GNB4: variants seen among roughly 807,000 people sequenced by gnomAD.
The protein encoded by GNB4 is guanine nucleotide-binding protein subunit beta-4.
GNB4 carries 28 observed loss-of-function variants against 45.2 expected under a neutral mutation model. The ratio of observed to expected loss-of-function variants is 0.62; its 90% CI spans 0.46 to 0.85. The LOEUF is 0.85. Ranked by LOEUF, GNB4 falls within the 40% of genes least tolerant of loss-of-function variation. The probability of loss-of-function intolerance (pLI) is 0.00; values close to 1 mark genes in which losing one functional copy is unlikely to be tolerated. For missense variants in GNB4, 321 were observed against 425.4 expected (o/e 0.75, Z 2.16); for synonymous variants, 132 against 143.7 (o/e 0.92, Z 0.58).
At chr3:179,472,762 G>A in the GNB4 span, among the ~76,000 whole-genome samples, 3 of 152,160 alleles carry the variant, frequency 2.0e-5, no homozygotes, top group Non-Finnish European at 4.4e-5. Flanking sequence ...TTTATGTCTT[G>A]AGTTGGAAAA....
At chr3:179,451,539 G>GGCGCGAGGCGCGAGGCACGAGGC (rs1454365491), upstream of GNB4, 3 of 150,278 alleles carry the variant, frequency 2.0e-5, no homozygotes, top group Non-Finnish European at 3.0e-5. Flanking sequence ...CGTGGCTGGA[G>GGCGCGAGGCGCGAGGCACGAGGC]GCGCGAGGCG....
the GNB4 span, among the ~76,000 whole-genome samples, chr3:179,467,722 C>A: frequency 6.6e-6 from 1 of 152,080 alleles, no homozygotes; most frequent in Non-Finnish European, 1.5e-5. Flanking sequence ...TTGGTGTTCA[C>A]TGAATGTGGA....
intron 8 of GNB4, among the ~76,000 whole-genome samples, chr3:179,410,040 G>C (rs1422412494): frequency 1.3e-5 from 2 of 152,040 alleles, no homozygotes; most frequent in Non-Finnish European, 2.9e-5. Flanking sequence ...GGTTTATAAG[G>C]GGCTTCCCCC....
chr3:179,475,519 C>G, the GNB4 span, among the ~76,000 whole-genome samples: 1 of 152,034 alleles, frequency 6.6e-6, no homozygotes, highest in Non-Finnish European at 1.5e-5. Flanking sequence ...TCTCACCAGG[C>G]TGGAATGCAA....
chr3:179,522,527 T>G, the GNB4 span, among the ~76,000 whole-genome samples: 1 of 152,170 alleles, frequency 6.6e-6, no homozygotes, highest in Admixed American at 6.6e-5. Flanking sequence ...CACGTACTCC[T>G]TTTGCAAGAG....
chr3:179,519,616 T>C, the GNB4 span, among the ~76,000 whole-genome samples: 1 of 152,186 alleles, frequency 6.6e-6, no homozygotes, highest in Non-Finnish European at 1.5e-5. Context: ...ACCTCCCTTA[T>C]TAGGCCGAGA....
the GNB4 span, among the ~76,000 whole-genome samples, chr3:179,525,275 C>T: frequency 3.9e-5 from 6 of 152,064 alleles, no homozygotes; most frequent in African/African-American, 1.2e-4. Context: ...GAACCATTAT[C>T]GAGTTTGTAT....
intron 1 of GNB4, among the ~76,000 whole-genome samples, chr3:179,445,695 A>C (rs899847863): frequency 1.3e-5 from 2 of 152,252 alleles, no homozygotes; most frequent in African/African-American, 4.8e-5. Flanking sequence ...TGATGCATTC[A>C]TACAGTGAAA....
At chr3:179,498,564 A>G in the GNB4 span, among the ~76,000 whole-genome samples, 11 of 152,178 alleles carry the variant, frequency 7.2e-5, no homozygotes, top group African/African-American at 2.6e-4. Flanking sequence ...AGCTCTGAGT[A>G]GCTAGGATTA....
At chr3:179,413,887 A>G in intron 6 of GNB4, 106 bp from the exon 7 acceptor site, 1 of 825,370 alleles carries the variant, frequency 1.2e-6, no homozygotes, top group East Asian at 2.7e-5. Flanking sequence ...TTGGGCAACA[A>G]GTGTTTGTCA....
At chr3:179,525,474 T>C in the GNB4 span, among the ~76,000 whole-genome samples, 7 of 149,140 alleles carry the variant, frequency 4.7e-5, no homozygotes, top group Non-Finnish European at 1.0e-4. Flanking sequence ...GAGAAGGGGG[T>C]GGTGAGCAGC....
chr3:179,427,351 T>G (rs1056727576), intron 1 of GNB4, among the ~76,000 whole-genome samples: 8 of 152,086 alleles, frequency 5.3e-5, no homozygotes, highest in African/African-American at 1.9e-4. Context: ...ACGCCTGTAA[T>G]CCCATCACTT....
At chr3:179,486,220 CA>C in the GNB4 span, among the ~76,000 whole-genome samples, 35 of 123,814 alleles carry the variant, frequency 2.8e-4, 1 homozygote, top group Admixed American at 2.6e-4. Flanking sequence ...GACTCTGTCT[CA>C]AAAAAAAAAA....
the GNB4 span, among the ~76,000 whole-genome samples, chr3:179,511,897 C>T: frequency 6.6e-6 from 1 of 152,128 alleles, no homozygotes; most frequent in African/African-American, 2.4e-5. Context: ...CTACACTGTC[C>T]AATATGGTAG....
At chr3:179,505,164 C>A in the GNB4 span, among the ~76,000 whole-genome samples, 1 of 152,098 alleles carries the variant, frequency 6.6e-6, no homozygotes, top group Non-Finnish European at 1.5e-5. Context: ...AGGCCTATAC[C>A]AATACGGCAT....
At chr3:179,516,114 G>T in the GNB4 span, among the ~76,000 whole-genome samples, 27 of 152,262 alleles carry the variant, frequency 1.8e-4, no homozygotes, top group Non-Finnish European at 1.6e-4. Flanking sequence ...GAGTTTTTGG[G>T]CTCTATTCTT....
chr3:179,444,769 A>T (rs1017053506), intron 1 of GNB4, among the ~76,000 whole-genome samples: 1 of 152,186 alleles, frequency 6.6e-6, no homozygotes, highest in Non-Finnish European at 1.5e-5. Context: ...AGAATGTCTT[A>T]AATTATTTCC....
intron 8 of GNB4, 63 bp downstream of exon 8, chr3:179,413,349 A>T: frequency 1.6e-6 from 2 of 1,277,190 alleles, no homozygotes; most frequent in Non-Finnish European, 2.3e-6. Flanking sequence ...TGTTAAAATC[A>T]TGCCATAGAG....
rs1364299208 is a variant in GNB4 at position 179,401,144 on chromosome 3, T to C, written c.*69A>G. The C allele has an allele frequency of 3.0e-6, 3 of 992,358 alleles. No individual in the cohort carries two copies. The highest frequency in any genetic ancestry group is 3.0e-5 in the Admixed American group (1 of 33,240). 61.5% of individuals were successfully genotyped at this position (992,358 alleles called of 1,614,324 possible). A position where few individuals can be genotyped will look rare whatever the true frequency, so the allele number is the denominator to read the frequency against. Reference sequence around the variant, plus strand: ...ACCTGCAAATATAAGGTAGAATTTTTTCACAGCTATAGGCTGTAGCATTGA... The same window carrying C: ...ACCTGCAAATATAAGGTAGAATTTTCTCACAGCTATAGGCTGTAGCATTGA... On this transcript the variant is annotated 3_prime_UTR_variant, in exon 10 of 10. Coordinates refer to ENST00000232564, the MANE Select transcript of GNB4 (RefSeq NM_021629.4).
Sources: gnomAD v4.1 joint callset for allele counts (sites outside exome capture counted in the v4.1 genomes callset) on GRCh38, gnomAD v4.1.1 for gene constraint, MANE v1.5 for transcripts, NCBI Gene and HGNC (gene_info 2026-07-23, HGNC 2026-07-21) for gene names.